CHCHD3: variants seen among roughly 807,000 people sequenced by gnomAD.
The protein encoded by CHCHD3 is MICOS complex subunit MIC19.
CHCHD3 carries 20 observed loss-of-function variants against 38.2 expected under a neutral mutation model. That is an observed-to-expected ratio of 0.52 (90% CI 0.37 to 0.76). The LOEUF is 0.76. Among genes scored for constraint, CHCHD3 ranks in the 30% least tolerant of loss-of-function variants. CHCHD3 has a pLI of 0.00. For synonymous variants in CHCHD3, 82 were observed against 100.0 expected, an observed-to-expected ratio of 0.82 and a Z score of 1.07; for missense variants, 245 against 279.2, an observed-to-expected ratio of 0.88 and a Z score of 0.87.
At position 133,035,134 on chromosome 7, in the gene CHCHD3, T is replaced by A; in HGVS notation, c.170-10507A>T. 1 of 1,613,644 alleles carries A rather than the reference T, an allele frequency of 6.2e-7. No individual in the cohort carries two copies. The highest frequency in any genetic ancestry group is 1.1e-5 in the South Asian group (1 of 91,060). On this transcript the variant is annotated intron_variant, in intron 2 of 7. Coordinates refer to ENST00000262570, the MANE Select transcript of CHCHD3 (RefSeq NM_017812.4). The surrounding 1 kb of genome is among the most constrained non-coding windows in gnomAD (Gnocchi z 4.7). The stretch of plus-strand genomic sequence containing the variant: ...GCCAGCGCCTGCTCACATTCATCCA[T>A]CTCCTCCTCAGGAGCAGGGGCAGCC...
intron 3 of CHCHD3, among the ~76,000 whole-genome samples, chr7:133,021,448 C>A (rs1324651897): frequency 1.3e-5 from 2 of 152,126 alleles, no homozygotes; most frequent in Non-Finnish European, 2.9e-5. Context: ...CCAGTTCTCC[C>A]CTTGCTAATG....
At chr7:133,016,902 C>A (rs1293480545) in intron 3 of CHCHD3, among the ~76,000 whole-genome samples, 5 of 152,232 alleles carry the variant, frequency 3.3e-5, no homozygotes, top group Admixed American at 1.3e-4. Context: ...TAAACACGGA[C>A]TTCCGGATTA....
intron 3 of CHCHD3, among the ~76,000 whole-genome samples, chr7:133,013,206 A>AAAAAG (rs35863843): frequency 0.021 from 2,288 of 108,450 alleles, 208 homozygotes; most frequent in Non-Finnish European, 0.023. Flanking sequence ...AAAAAAAAAA[A>AAAAAG]CATTCAGACA....
intron 4 of CHCHD3, among the ~76,000 whole-genome samples, chr7:132,965,561 C>T (rs1489388695): frequency 5.9e-5 from 9 of 152,094 alleles, no homozygotes; most frequent in African/African-American, 2.2e-4. Context: ...CTTTGTGATG[C>T]CTTTGGGGCT....
chr7:132,867,590 G>A (rs989580914), intron 5 of CHCHD3, among the ~76,000 whole-genome samples: 7 of 152,110 alleles, frequency 4.6e-5, no homozygotes, highest in South Asian at 2.1e-4. Context: ...TCCTTAAAAC[G>A]TCCACAGATA....
At chr7:132,997,552 C>T (rs13226471) in intron 3 of CHCHD3, among the ~76,000 whole-genome samples, 1 of 148,708 alleles carries the variant, frequency 6.7e-6, no homozygotes, top group African/African-American at 2.5e-5. Context: ...GAAAAAGATT[C>T]TTTTCTTTTC....
chr7:132,885,834 A>G, intron 4 of CHCHD3, 89 bp from the exon 5 acceptor site: 1 of 908,318 alleles, frequency 1.1e-6, no homozygotes, highest in South Asian at 1.9e-5. Flanking sequence ...AGAAATAAGA[A>G]TACAAATCTG....
chr7:133,049,957 C>T (rs1483856746), intron 2 of CHCHD3, among the ~76,000 whole-genome samples: 2 of 152,056 alleles, frequency 1.3e-5, no homozygotes, highest in African/African-American at 2.4e-5. Context: ...TCTCTGATAC[C>T]GACGGTATCT....
intron 5 of CHCHD3, among the ~76,000 whole-genome samples, chr7:132,878,952 G>C (rs574722139): frequency 6.6e-6 from 1 of 152,184 alleles, no homozygotes; most frequent in Non-Finnish European, 1.5e-5. Context: ...AAGGGAGTCA[G>C]AGACAGCTAT....
At chr7:132,882,237 A>G (rs1294199096) in intron 5 of CHCHD3, among the ~76,000 whole-genome samples, 2 of 152,098 alleles carry the variant, frequency 1.3e-5, no homozygotes, top group African/African-American at 2.4e-5. Flanking sequence ...AGACACCACA[A>G]GGGATTAGGT....
intron 2 of CHCHD3, among the ~76,000 whole-genome samples, chr7:133,047,472 C>T (rs1381328447): frequency 1.3e-5 from 2 of 152,090 alleles, no homozygotes; most frequent in Non-Finnish European, 2.9e-5. Context: ...GTGGTATATC[C>T]TTGAGCAAAA....
At chr7:132,927,276 A>C (rs1177685348) in intron 4 of CHCHD3, among the ~76,000 whole-genome samples, 8 of 152,234 alleles carry the variant, frequency 5.3e-5, no homozygotes, top group Admixed American at 5.2e-4. Flanking sequence ...TTTATTAGGC[A>C]CAAAGAAGCT....
At chr7:132,822,656 A>G (rs1162076982) in intron 6 of CHCHD3, among the ~76,000 whole-genome samples, 3 of 152,176 alleles carry the variant, frequency 2.0e-5, no homozygotes, top group Non-Finnish European at 4.4e-5. Flanking sequence ...CAAAAAGAAG[A>G]TCAAGAGTTA....
chr7:133,078,327 C>G (rs1008893511), intron 1 of CHCHD3, among the ~76,000 whole-genome samples: 48 of 152,040 alleles, frequency 3.2e-4, no homozygotes, highest in African/African-American at 1.1e-3. Context: ...AATAAATATT[C>G]AGCATAGTTA....
chr7:133,078,920 G>A (rs1265571069), intron 1 of CHCHD3, among the ~76,000 whole-genome samples: 2 of 152,172 alleles, frequency 1.3e-5, no homozygotes, highest in African/African-American at 2.4e-5. Flanking sequence ...GTGCCTCATC[G>A]GCACCATGTT....
chr7:132,956,033 T>G (rs1811156694), intron 4 of CHCHD3, among the ~76,000 whole-genome samples: 1 of 152,168 alleles, frequency 6.6e-6, no homozygotes, highest in Non-Finnish European at 1.5e-5. Context: ...TGACTAAAGT[T>G]TTGCTCAAAA....
intron 7 of CHCHD3, 101 bp downstream of exon 7, chr7:132,796,341 G>A: frequency 2.3e-6 from 3 of 1,331,638 alleles, no homozygotes; most frequent in African/African-American, 1.5e-5. Context: ...GGCTTAGAAA[G>A]CTTTTTCACA....
At chr7:132,848,110 G>T (rs182513461) in intron 5 of CHCHD3, among the ~76,000 whole-genome samples, 1 of 152,172 alleles carries the variant, frequency 6.6e-6, no homozygotes, top group Non-Finnish European at 1.5e-5. Context: ...AGGTGAGACT[G>T]TCCTGTGTCT....
intron 6 of CHCHD3, among the ~76,000 whole-genome samples, chr7:132,819,740 A>C (rs1432746759): frequency 1.3e-5 from 2 of 152,220 alleles, no homozygotes; most frequent in Non-Finnish European, 2.9e-5. Flanking sequence ...GAAAGACTTT[A>C]CAGAGAAAGC....
Sources: gnomAD v4.1 joint callset for allele counts (sites outside exome capture counted in the v4.1 genomes callset) on GRCh38, gnomAD v4.1.1 for gene constraint, Gnocchi (gnomAD v3.1) non-coding constraint, MANE v1.5 for transcripts, NCBI Gene and HGNC (gene_info 2026-07-23, HGNC 2026-07-21) for gene names.